The following SPACA6 variants were observed in gnomAD, a reference collection of about 807,000 sequenced individuals.
The protein encoded by SPACA6 is sperm acrosome associated 6, also known as sperm acrosome membrane-associated protein 6.
For synonymous variants in SPACA6, 6 were observed against 1.5 expected (o/e 4.05, Z -2.21); for missense variants, 8 against 2.8 (o/e 2.88, Z -1.34).
At chr19:51,711,196 G>A (rs533007578) in intron 2 of SPACA6, among the ~76,000 whole-genome samples, 4 of 152,318 alleles carry the variant, frequency 2.6e-5, no homozygotes, top group East Asian at 1.9e-4. Flanking sequence ...TTTTAGCAAC[G>A]TGGATATCAT....
At chr19:51,687,855 A>C (rs1030730133), upstream of SPACA6, 1 of 152,176 alleles carries the variant, frequency 6.6e-6, no homozygotes, top group South Asian at 2.1e-4. Context: ...TAGTTTTCCT[A>C]CCTGTTTCCC....
intron 2 of SPACA6, among the ~76,000 whole-genome samples, chr19:51,697,667 A>G (rs1448692345): frequency 6.6e-6 from 1 of 152,190 alleles, no homozygotes; most frequent in Non-Finnish European, 1.5e-5. Context: ...CAGAGGGAGC[A>G]GCAGGGAGAT....
upstream of SPACA6, among the ~76,000 whole-genome samples, chr19:51,690,727 C>G (rs570595864): frequency 6.7e-4 from 102 of 152,248 alleles, 1 homozygote; most frequent in South Asian, 0.018. Context: ...AAGTCCTGAC[C>G]CTTCTCTCTC....
At chr19:51,684,506 C>A (rs1219714449), upstream of SPACA6, among the ~76,000 whole-genome samples, 1 of 152,162 alleles carries the variant, frequency 6.6e-6, no homozygotes, top group Admixed American at 6.5e-5. Flanking sequence ...CCAGCCCAGA[C>A]CCGACAACAA....
chr19:51,710,765 A>C (rs1023485833), intron 2 of SPACA6, among the ~76,000 whole-genome samples: 1 of 152,222 alleles, frequency 6.6e-6, no homozygotes, highest in African/African-American at 2.4e-5. Context: ...GGTGGAGGAA[A>C]GCAAGGTAGC....
At chr19:51,706,809 G>A (rs1205311436), downstream of SPACA6, among the ~76,000 whole-genome samples, 5 of 152,056 alleles carry the variant, frequency 3.3e-5, no homozygotes, top group Non-Finnish European at 5.9e-5. Flanking sequence ...ACAGGCATGC[G>A]CCACCACACC....
chr19:51,703,968 G>A lies in SPACA6; in HGVS notation c.574-62G>A, dbSNP rs1185777428. On this transcript the variant is annotated intron_variant, in intron 6 of 8. Transcript: ENST00000637797. The surrounding 1 kb of genome is among the most constrained non-coding windows in gnomAD (Gnocchi z 4.2). ...GGGGCGTGGTCTGGCTCGGGGGGCG[G>A]GGCTTGTAGGTTACTCAGTGGCAAG... 1 of 399,400 alleles carries A rather than the reference G, an allele frequency of 2.5e-6. No homozygotes were observed. Among genetic ancestry groups the A allele is most frequent in the Non-Finnish European group, 4.4e-6 (1 of 226,260 alleles). 24.7% of individuals were successfully genotyped at this position (399,400 alleles called of 1,614,324 possible).
chr19:51,694,474 CCAGACTATG>C lies in SPACA6; in HGVS notation c.215-3_220del, dbSNP rs2083408805. 1.0e-5 allele frequency: 4 copies of C among 399,634 alleles called. No homozygotes were observed. The highest frequency in any genetic ancestry group is 1.8e-5 in the Non-Finnish European group (4 of 226,598). 24.8% of individuals were successfully genotyped at this position (399,634 alleles called of 1,614,324 possible). On this transcript the variant is annotated splice_acceptor_variant and splice_polypyrimidine_tract_variant and coding_sequence_variant and intron_variant, in exon 2 of 9. Transcript: ENST00000637797. LOFTEE classifies it high-confidence loss of function. The stretch of plus-strand genomic sequence containing the variant: ...CCAGCCCCTGCTCCCTCCCTCACCG[CCAGACTATG>C]ATGAGAGAAGCCACCTGCATGACAC...
chr19:51,694,039 A>T, intron 1 of SPACA6: 1 of 275,644 alleles, frequency 3.6e-6, no homozygotes, highest in Non-Finnish European at 6.7e-6. Flanking sequence ...ATGGAGACTC[A>T]GGAGTATGGA....
downstream of SPACA6, among the ~76,000 whole-genome samples, chr19:51,706,198 G>A (rs563669212): frequency 4.6e-5 from 7 of 152,086 alleles, no homozygotes; most frequent in Non-Finnish European, 8.8e-5. Context: ...GTTTTTCTCT[G>A]GCCTTTCCTC....
intron 2 of SPACA6, among the ~76,000 whole-genome samples, chr19:51,695,777 G>T (rs2083425887): frequency 6.6e-6 from 1 of 152,246 alleles, no homozygotes; most frequent in Non-Finnish European, 1.5e-5. Context: ...GGAGGGGAGA[G>T]AGAAGAGGCT....
chr19:51,691,658 G>A (rs2083373952), upstream of SPACA6, among the ~76,000 whole-genome samples: 1 of 152,090 alleles, frequency 6.6e-6, no homozygotes, highest in African/African-American at 2.4e-5. Context: ...AAGAAAGAGG[G>A]AGAGAGAAAA....
intron 2 of SPACA6, among the ~76,000 whole-genome samples, chr19:51,699,355 G>A (rs1268367965): frequency 6.6e-6 from 1 of 152,114 alleles, no homozygotes; most frequent in East Asian, 1.9e-4. Context: ...GCATCCTATG[G>A]CTACAACTTG....
At chr19:51,686,973 T>C (rs761470946), upstream of SPACA6, 3 of 152,222 alleles carry the variant, frequency 2.0e-5, no homozygotes, top group Non-Finnish European at 4.4e-5. Flanking sequence ...TTAAAAGCAT[T>C]GGACAAAATC....
downstream of SPACA6, among the ~76,000 whole-genome samples, chr19:51,709,783 C>T (rs868329964): frequency 3.3e-5 from 5 of 152,026 alleles, no homozygotes; most frequent in Admixed American, 2.6e-4. Context: ...AATCCAGGGA[C>T]GAGATGCAGC....
At chr19:51,701,828 T>C in intron 3 of SPACA6, 102 bp downstream of exon 3, 1 of 386,954 alleles carries the variant, frequency 2.6e-6, no homozygotes, top group South Asian at 1.4e-4. Flanking sequence ...ATCCCAGCAC[T>C]TTGGAAGGCT....
chr19:51,688,912 AGAGAGAG>A (rs927171221), upstream of SPACA6, among the ~76,000 whole-genome samples: 9 of 120,604 alleles, frequency 7.5e-5, no homozygotes, highest in South Asian at 3.1e-4. Flanking sequence ...GGAGAGAGAG[AGAGAGAG>A]AACGAGAGAG....
At chr19:51,696,561 C>T (rs983766879) in intron 2 of SPACA6, among the ~76,000 whole-genome samples, 2 of 152,090 alleles carry the variant, frequency 1.3e-5, no homozygotes, top group Non-Finnish European at 2.9e-5. Flanking sequence ...GATCTTCCTG[C>T]CTCAGCCTCC....
chr19:51,699,541 T>G (rs2083453753), intron 2 of SPACA6, among the ~76,000 whole-genome samples: 1 of 152,236 alleles, frequency 6.6e-6, no homozygotes, highest in African/African-American at 2.4e-5. Context: ...AACAGAAGTT[T>G]CTGCCTTCTA....
Sources: allele counts gnomAD v4.1 joint callset (sites outside exome capture counted in the v4.1 genomes callset), GRCh38; gene constraint gnomAD v4.1.1; non-coding constraint Gnocchi (gnomAD v3.1); transcripts MANE v1.5; gene names NCBI Gene and HGNC (gene_info 2026-07-23, HGNC 2026-07-21).